The following CNTNAP2 variants were observed in gnomAD, a reference collection of about 807,000 sequenced individuals.
CNTNAP2 encodes the protein contactin associated protein 2, also known as contactin-associated protein-like 2.
Under a neutral mutation model 155.2 loss-of-function variants are expected in CNTNAP2, and 98 were observed. The ratio of observed to expected loss-of-function variants is 0.63; its 90% CI spans 0.54 to 0.75. The LOEUF (loss-of-function observed/expected upper bound fraction) is 0.75. CNTNAP2 is among the 30% of genes least tolerant of loss of function. CNTNAP2 has a pLI of 0.00. For synonymous variants in CNTNAP2, 651 were observed against 631.2 expected, an observed-to-expected ratio of 1.03 and a Z score of -0.47; for missense variants, 1,727 against 1,688.1, an observed-to-expected ratio of 1.02 and a Z score of -0.40.
intron 1 of CNTNAP2, among the ~76,000 whole-genome samples, chr7:146,749,701 G>A (rs578037832): frequency 6.6e-6 from 1 of 152,258 alleles, no homozygotes; most frequent in South Asian, 2.1e-4. Flanking sequence ...AAATGTGAAT[G>A]AAAAATTAAA....
At chr7:147,242,510 G>A (rs986773733) in intron 8 of CNTNAP2, among the ~76,000 whole-genome samples, 4 of 152,076 alleles carry the variant, frequency 2.6e-5, no homozygotes, top group South Asian at 4.1e-4. Context: ...GACAGAAAAC[G>A]AGTCTTCATT....
At chr7:146,608,757 A>G (rs1433643089) in intron 1 of CNTNAP2, among the ~76,000 whole-genome samples, 1 of 151,950 alleles carries the variant, frequency 6.6e-6, no homozygotes, top group Non-Finnish European at 1.5e-5. Context: ...ATTCCATTTC[A>G]TTTTATATGT....
chr7:146,475,213 G>C (rs1432842278), intron 1 of CNTNAP2, among the ~76,000 whole-genome samples: 1 of 152,102 alleles, frequency 6.6e-6, no homozygotes, highest in Non-Finnish European at 1.5e-5. Flanking sequence ...ATGTTTTCTA[G>C]CTGTTCTTAG....
intron 2 of CNTNAP2, among the ~76,000 whole-genome samples, chr7:146,833,485 A>G (rs1300688687): frequency 6.6e-6 from 1 of 152,122 alleles, no homozygotes; most frequent in Non-Finnish European, 1.5e-5. Flanking sequence ...AGTGTACCTT[A>G]CATTACTCGC....
chr7:147,560,147 A>G (rs13243798), intron 11 of CNTNAP2, among the ~76,000 whole-genome samples: 59,128 of 135,736 alleles, frequency 0.44, 13,298 homozygotes, highest in East Asian at 0.58. Flanking sequence ...CAGCCTGGGC[A>G]ACAAGAACGA....
intron 19 of CNTNAP2, among the ~76,000 whole-genome samples, chr7:148,226,683 C>T (rs1795857203): frequency 6.6e-6 from 1 of 152,206 alleles, no homozygotes; most frequent in African/African-American, 2.4e-5. Flanking sequence ...CAGTAAACAC[C>T]TGTGCATGCA....
chr7:146,238,621 A>C (rs1011099395), intron 1 of CNTNAP2, among the ~76,000 whole-genome samples: 1 of 152,206 alleles, frequency 6.6e-6, no homozygotes, highest in African/African-American at 2.4e-5. Context: ...AACAGAGGGA[A>C]TGCAATTCGA....
chr7:146,680,889 T>C (rs1343409874), intron 1 of CNTNAP2, among the ~76,000 whole-genome samples: 1 of 152,158 alleles, frequency 6.6e-6, no homozygotes, highest in African/African-American at 2.4e-5. Flanking sequence ...ATTTATCTGA[T>C]AGAACATGTG....
chr7:146,806,401 C>A (rs1159160569), intron 2 of CNTNAP2, among the ~76,000 whole-genome samples: 1 of 151,640 alleles, frequency 6.6e-6, no homozygotes, highest in Non-Finnish European at 1.5e-5. Flanking sequence ...GAGGCTGAGG[C>A]AGGAGAATCA....
intron 17 of CNTNAP2, among the ~76,000 whole-genome samples, chr7:148,163,497 A>G (rs1001711767): frequency 2.0e-5 from 3 of 152,174 alleles, no homozygotes; most frequent in Admixed American, 6.5e-5. Flanking sequence ...GCTTTATACT[A>G]TGGAAACCCA....
intron 9 of CNTNAP2, among the ~76,000 whole-genome samples, chr7:147,369,364 A>G (rs2116911635): frequency 6.6e-6 from 1 of 152,320 alleles, no homozygotes; most frequent in African/African-American, 2.4e-5. Context: ...TTTTTGGTGC[A>G]AGTTACTGAC....
chr7:146,555,750 T>A (rs1411209522), intron 1 of CNTNAP2, among the ~76,000 whole-genome samples: 3 of 152,216 alleles, frequency 2.0e-5, no homozygotes, highest in Non-Finnish European at 4.4e-5. Flanking sequence ...GATTGTGTGG[T>A]AGAAAAACAG....
chr7:148,045,935 A>G (rs1802765910), intron 15 of CNTNAP2, among the ~76,000 whole-genome samples: 2 of 152,260 alleles, frequency 1.3e-5, no homozygotes, highest in Non-Finnish European at 2.9e-5. Context: ...TTTATTAATG[A>G]CAGGGATATA....
At chr7:146,602,656 T>A (rs1297408308) in intron 1 of CNTNAP2, among the ~76,000 whole-genome samples, 1 of 152,152 alleles carries the variant, frequency 6.6e-6, no homozygotes, top group African/African-American at 2.4e-5. Flanking sequence ...AAAATTAAAT[T>A]TTTTACTGAT....
At chr7:147,298,128 G>T (rs1005266672) in intron 8 of CNTNAP2, among the ~76,000 whole-genome samples, 1 of 152,056 alleles carries the variant, frequency 6.6e-6, no homozygotes, top group Non-Finnish European at 1.5e-5. Context: ...TTTCTTGATT[G>T]AAACAAAATG....
intron 1 of CNTNAP2, among the ~76,000 whole-genome samples, chr7:146,762,757 C>A (rs1370794365): frequency 6.6e-6 from 1 of 152,098 alleles, no homozygotes; most frequent in Non-Finnish European, 1.5e-5. Context: ...TGGTGGAAGG[C>A]AGAGGAGGAG....
At chr7:146,172,024 C>G (rs1181630868) in intron 1 of CNTNAP2, among the ~76,000 whole-genome samples, 1 of 124,932 alleles carries the variant, frequency 8.0e-6, no homozygotes, top group African/African-American at 3.0e-5. Context: ...TTAAAAAATG[C>G]TCTTAGTATT....
chr7:147,564,869 A>G (rs1800138429), intron 12 of CNTNAP2, among the ~76,000 whole-genome samples: 1 of 152,184 alleles, frequency 6.6e-6, no homozygotes, highest in Non-Finnish European at 1.5e-5. Flanking sequence ...CAAGATAGTT[A>G]CAAACATCAG....
At chr7:148,201,545 G>T (rs898464066) in intron 18 of CNTNAP2, among the ~76,000 whole-genome samples, 6 of 152,160 alleles carry the variant, frequency 3.9e-5, no homozygotes, top group Admixed American at 1.3e-4. Context: ...AAACCAGTTT[G>T]TCTTCAAAAG....
Sources: gnomAD v4.1 joint callset for allele counts (sites outside exome capture counted in the v4.1 genomes callset) on GRCh38, gnomAD v4.1.1 for gene constraint, MANE v1.5 for transcripts, NCBI Gene and HGNC (gene_info 2026-07-23, HGNC 2026-07-21) for gene names.